The following NCAM2 variants were observed in gnomAD, a reference collection of about 807,000 sequenced individuals.
NCAM2 encodes N-CAM-2.
In NCAM2, 30 loss-of-function variants were observed where a neutral mutation model predicts 98.1. The observed-to-expected ratio is 0.31, with a 90% CI of 0.23 to 0.41. NCAM2 has a LOEUF of 0.41. Ranked by LOEUF, NCAM2 falls within the 10% of genes least tolerant of loss-of-function variation. The pLI is 1.00. For missense variants in NCAM2, 867 were observed against 1,005.8 expected (o/e 0.86, Z 1.87); for synonymous variants, 368 against 342.4 (o/e 1.07, Z -0.83).
chr21:21,429,938 A>C (rs959958000), intron 11 of NCAM2, among the ~76,000 whole-genome samples: 2 of 152,168 alleles, frequency 1.3e-5, no homozygotes, highest in Non-Finnish European at 2.9e-5. Flanking sequence ...ACTATTTATA[A>C]GGCATATTTT....
At chr21:21,268,809 A>C (rs2072389385) in intron 1 of NCAM2, among the ~76,000 whole-genome samples, 1 of 152,140 alleles carries the variant, frequency 6.6e-6, no homozygotes, top group Non-Finnish European at 1.5e-5. Context: ...CCTTCACTTA[A>C]ATTCTTTAGC....
chr21:21,493,361 C>T (rs1484055254), intron 15 of NCAM2, among the ~76,000 whole-genome samples: 3 of 151,742 alleles, frequency 2.0e-5, no homozygotes, highest in Non-Finnish European at 4.4e-5. Context: ...GAGATATCAC[C>T]ATTGCATGTT....
intron 12 of NCAM2, among the ~76,000 whole-genome samples, chr21:21,449,136 T>C (rs1257740776): frequency 2.0e-5 from 3 of 152,090 alleles, no homozygotes; most frequent in Non-Finnish European, 4.4e-5. Context: ...GTCTCTGCTA[T>C]ATGTTAAGGA....
At chr21:21,031,832 A>T (rs1261869490) in intron 1 of NCAM2, among the ~76,000 whole-genome samples, 1 of 151,792 alleles carries the variant, frequency 6.6e-6, no homozygotes, top group African/African-American at 2.4e-5. Context: ...ACACACACTC[A>T]CACACACGTG....
At chr21:21,521,506 G>A (rs1289281801) in intron 16 of NCAM2, among the ~76,000 whole-genome samples, 1 of 152,098 alleles carries the variant, frequency 6.6e-6, no homozygotes, top group African/African-American at 2.4e-5. Context: ...AAATATCGAT[G>A]AGTAACATGC....
chr21:21,492,058 G>A (rs1986887553), intron 15 of NCAM2, among the ~76,000 whole-genome samples: 1 of 151,176 alleles, frequency 6.6e-6, no homozygotes, highest in African/African-American at 2.4e-5. Context: ...ATTTTTTATT[G>A]TTCTACTATT....
In NCAM2 at chr21:21,330,919, T is replaced by C. The variant is rs1428161523; in HGVS notation, c.738-4586T>C. On this transcript the variant is annotated intron_variant, in intron 6 of 17. Coordinates refer to ENST00000400546, the MANE Select transcript of NCAM2 (RefSeq NM_004540.5). Reference sequence around the variant, plus strand: ...AGTTTACTAATATTTTCTACTGTAATATCTAATGTTTTTAATCCCATCAGA... The same window carrying C: ...AGTTTACTAATATTTTCTACTGTAACATCTAATGTTTTTAATCCCATCAGA... Among the ~76,000 whole-genome samples, 5 of 152,198 alleles carry C rather than the reference T, an allele frequency of 3.3e-5. No individual in the cohort carries two copies. In the East Asian group the frequency reaches 9.6e-4, roughly 29 times the overall value.
chr21:21,264,760 A>T (rs758983475), intron 1 of NCAM2, among the ~76,000 whole-genome samples: 65 of 6,494 alleles, frequency 0.01, no homozygotes, highest in Non-Finnish European at 0.012. Flanking sequence ...ATACATATAT[A>T]TATATTCCAC....
At chr21:21,088,969 T>C (rs574787138) in intron 1 of NCAM2, among the ~76,000 whole-genome samples, 6 of 99,746 alleles carry the variant, frequency 6.0e-5, no homozygotes, top group Admixed American at 8.5e-5. Flanking sequence ...AAACTCTGTC[T>C]CAAAAAAAAA....
chr21:21,137,775 G>C lies in NCAM2; in HGVS notation c.55+139157G>C, dbSNP rs569035043. ...CTCCATTAAAAAAAATGTTGAAAGT[G>C]TAAGAGTGATTTTTTTTTAGTTGCT... On this transcript the variant is annotated intron_variant, in intron 1 of 17. Transcript: ENST00000400546. Among the ~76,000 whole-genome samples the C allele has an allele frequency of 3.3e-5, 5 of 152,166 alleles. No individual in the cohort carries two copies. The South Asian group carries it at 1.0e-3, about 32-fold the overall frequency.
chr21:21,194,380 A>G (rs1020980764), intron 1 of NCAM2, among the ~76,000 whole-genome samples: 2 of 152,182 alleles, frequency 1.3e-5, no homozygotes, highest in South Asian at 2.1e-4. Context: ...AGTTATTATT[A>G]TATCTTAGGA....
chr21:21,220,736 T>A (rs1197292633), intron 1 of NCAM2, among the ~76,000 whole-genome samples: 1 of 152,192 alleles, frequency 6.6e-6, no homozygotes, highest in African/African-American at 2.4e-5. Flanking sequence ...CACTTTCTTA[T>A]TATCGTAGAA....
chr21:21,138,387 C>T (rs2067102786), intron 1 of NCAM2, among the ~76,000 whole-genome samples: 1 of 152,130 alleles, frequency 6.6e-6, no homozygotes, highest in Admixed American at 6.5e-5. Context: ...TTTGACCTGT[C>T]GTTTCTCCAC....
intron 9 of NCAM2, among the ~76,000 whole-genome samples, chr21:21,382,216 G>T (rs1296454239): frequency 1.3e-5 from 2 of 152,116 alleles, no homozygotes; most frequent in African/African-American, 4.8e-5. Flanking sequence ...CTTCTGGAAT[G>T]TGGGGATTTA....
In NCAM2 at chr21:21,373,696, A is replaced by T. The variant is rs186772480; in HGVS notation, c.1045-167A>T. 3.2e-3 allele frequency among the ~76,000 whole-genome samples: 479 copies of T among 151,708 alleles called. 3 individuals are homozygous for T. The highest frequency in any genetic ancestry group is 0.011 in the African/African-American group (446 of 41,444). Reference sequence around the variant, plus strand: ...TGAGAATGTAAAAAGTGTGCTTTTTAAAAAAAACTTATTCTTAGCTATACA... The same window carrying T: ...TGAGAATGTAAAAAGTGTGCTTTTTTAAAAAAACTTATTCTTAGCTATACA... On this transcript the variant is annotated intron_variant, in intron 8 of 17. Transcript: ENST00000400546.
chr21:21,346,939 T>C (rs1435373989), intron 8 of NCAM2, among the ~76,000 whole-genome samples: 1 of 151,562 alleles, frequency 6.6e-6, no homozygotes, highest in East Asian at 1.9e-4. Flanking sequence ...AAACTTCAAA[T>C]ATGCAATCTA....
intron 1 of NCAM2, among the ~76,000 whole-genome samples, chr21:21,234,029 C>T (rs956556176): frequency 1.8e-4 from 27 of 151,728 alleles, no homozygotes; most frequent in African/African-American, 5.8e-4. Flanking sequence ...TTTACATTTA[C>T]AAGTGCTCAA....
At chr21:21,411,046 A>ATG (rs376274913) in intron 10 of NCAM2, among the ~76,000 whole-genome samples, 4,391 of 48,646 alleles carry the variant, frequency 0.09, 552 homozygotes, top group Non-Finnish European at 0.12. Flanking sequence ...ACATATATAT[A>ATG]TGTGTGTGTA....
At chr21:21,457,460 T>C (rs28649499) in intron 12 of NCAM2, among the ~76,000 whole-genome samples, 1,778 of 152,210 alleles carry the variant, frequency 0.012, 49 homozygotes, top group African/African-American at 0.04. Context: ...GCCAATATGG[T>C]GAAACCTTGT....
Sources: allele counts gnomAD v4.1 joint callset (sites outside exome capture counted in the v4.1 genomes callset), GRCh38; gene constraint gnomAD v4.1.1; transcripts MANE v1.5; gene names NCBI Gene and HGNC (gene_info 2026-07-23, HGNC 2026-07-21).